AGBL2: variants seen among roughly 807,000 people sequenced by gnomAD.
AGBL2 encodes AGBL carboxypeptidase 2, also known as cytosolic carboxypeptidase 2.
Under a neutral mutation model 103.0 loss-of-function variants are expected in AGBL2, and 87 were observed. The observed-to-expected ratio is 0.84, with a 90% CI of 0.71 to 1.01. The LOEUF is 1.01. AGBL2 is among the 50% of genes least tolerant of loss of function. The probability of loss-of-function intolerance (pLI) is 0.00; values close to 1 mark genes in which losing one functional copy is unlikely to be tolerated. For missense variants in AGBL2, 904 were observed against 1,023.5 expected (o/e 0.88, Z 1.59); for synonymous variants, 335 against 356.7 (o/e 0.94, Z 0.69).
At chr11:47,692,353 G>C in intron 8 of AGBL2, 97 bp from the exon 9 acceptor site, 1 of 623,700 alleles carries the variant, frequency 1.6e-6, no homozygotes, top group East Asian at 5.0e-5. Context: ...CACTATTCTA[G>C]ACCAACAATG....
chr11:47,711,588 C>T (rs900983190), intron 3 of AGBL2, among the ~76,000 whole-genome samples: 11 of 152,220 alleles, frequency 7.2e-5, no homozygotes, highest in African/African-American at 2.7e-4. Flanking sequence ...ATCTGGAGTG[C>T]AGTAGCGCAA....
At chr11:47,665,699 C>T (rs2097339562) in intron 17 of AGBL2, among the ~76,000 whole-genome samples, 1 of 152,124 alleles carries the variant, frequency 6.6e-6, no homozygotes, top group Admixed American at 6.6e-5. Flanking sequence ...AGTGATCCTC[C>T]TGCCTCGGCT....
chr11:47,676,103 T>G (rs1195963897), intron 14 of AGBL2, among the ~76,000 whole-genome samples: 2 of 151,898 alleles, frequency 1.3e-5, no homozygotes, highest in African/African-American at 2.4e-5. Context: ...TTGTTCGAGG[T>G]CTCCACTAAA....
intron 1 of AGBL2, 56 bp from the exon 2 acceptor site, chr11:47,714,806 C>T (rs748262958): frequency 5.5e-6 from 4 of 732,426 alleles, no homozygotes; most frequent in Non-Finnish European, 9.6e-6. Context: ...CCGGGCGCCC[C>T]CCAGCTCCCT....
At chr11:47,686,154 T>G in intron 10 of AGBL2, 105 bp from the exon 11 acceptor site, 3 of 1,211,854 alleles carry the variant, frequency 2.5e-6, no homozygotes, top group Non-Finnish European at 3.5e-6. Flanking sequence ...ATACTTTCCC[T>G]CCTAAGAAAA....
rs1488107386 is a variant in AGBL2, at chr11:47,705,506, C to T, written c.400+15G>A. The stretch of plus-strand genomic sequence containing the variant: ...ACTAAAAACATAAAAATTAGCTGGG[C>T]GTGGTGGCACATGCCTGTAATCCCA... On this transcript the variant is annotated intron_variant, in intron 6 of 18. Coordinates refer to ENST00000525123, the MANE Select transcript of AGBL2 (RefSeq NM_024783.4). 4 of 317,498 alleles carry T rather than the reference C, an allele frequency of 1.3e-5. No homozygotes were observed. The highest frequency in any genetic ancestry group is 8.0e-5 in the East Asian group (1 of 12,458). 19.7% of individuals were successfully genotyped at this position (317,498 alleles called of 1,614,324 possible). A position where few individuals can be genotyped will look rare whatever the true frequency, so the allele number is the denominator to read the frequency against.
At chr11:47,692,628 G>A (rs2097452437) in intron 8 of AGBL2, among the ~76,000 whole-genome samples, 1 of 151,606 alleles carries the variant, frequency 6.6e-6, no homozygotes, top group Non-Finnish European at 1.5e-5. Context: ...TAGCCAGGAT[G>A]GTCTCGATCT....
intron 9 of AGBL2, 21 bp from the exon 10 acceptor site, chr11:47,690,879 C>T: frequency 6.3e-7 from 1 of 1,585,538 alleles, no homozygotes; most frequent in South Asian, 1.1e-5. Context: ...GAAAATAGAA[C>T]AACTCTGTAA....
chr11:47,714,477 T>C, intron 2 of AGBL2, 130 bp from the exon 3 acceptor site: 1 of 1,305,874 alleles, frequency 7.7e-7, no homozygotes, highest in East Asian at 2.3e-5. Context: ...CGAATTATTC[T>C]ATCGTGGGGA....
At chr11:47,685,214 A>T (rs1485307969) in intron 11 of AGBL2, among the ~76,000 whole-genome samples, 1 of 152,202 alleles carries the variant, frequency 6.6e-6, no homozygotes. Context: ...CTCAAAAAAA[A>T]AAATAAAAAA....
chr11:47,679,961 C>A lies in AGBL2; in HGVS notation c.2016+12G>T. On this transcript the variant is annotated intron_variant, in intron 13 of 18. Transcript: ENST00000525123. ...CTGGCCTTCATCACATTTCTTGAAA[C>A]CCCATTTTTACCTTCATTTGGTCAG... 6.4e-7 allele frequency: 1 copy of A among 1,553,190 alleles called. No homozygotes were observed. The highest frequency in any genetic ancestry group is 1.1e-5 in the South Asian group (1 of 89,428).
chr11:47,676,707 T>C (rs1402489348), intron 14 of AGBL2, among the ~76,000 whole-genome samples: 1 of 150,616 alleles, frequency 6.6e-6, no homozygotes, highest in Non-Finnish European at 1.5e-5. Context: ...TAGTCCCAGC[T>C]ACTCGGGAGG....
chr11:47,708,065 T>G (rs964655364), intron 4 of AGBL2, among the ~76,000 whole-genome samples: 1 of 151,622 alleles, frequency 6.6e-6, no homozygotes, highest in African/African-American at 2.4e-5. Context: ...ATGTTCAGAT[T>G]TAGTCATCTT....
intron 16 of AGBL2, 97 bp downstream of exon 16, chr11:47,667,474 C>T (rs916177320): frequency 6.7e-5 from 95 of 1,418,138 alleles, no homozygotes; most frequent in Non-Finnish European, 8.9e-5. Context: ...ATCTCCATCC[C>T]CTTTTTGGTT....
chr11:47,681,895 G>C, intron 12 of AGBL2, 74 bp downstream of exon 12: 3 of 1,542,848 alleles, frequency 1.9e-6, no homozygotes, highest in Non-Finnish European at 2.6e-6. Flanking sequence ...GCATTCAAAG[G>C]CATTTTATCT....
intron 12 of AGBL2, among the ~76,000 whole-genome samples, chr11:47,681,705 G>A (rs1168858568): frequency 6.6e-6 from 1 of 152,142 alleles, no homozygotes; most frequent in Non-Finnish European, 1.5e-5. Flanking sequence ...TGATCTGCCC[G>A]CCTTGGCCTC....
At chr11:47,695,850 A>G (rs1599034314) in intron 8 of AGBL2, among the ~76,000 whole-genome samples, 1 of 151,764 alleles carries the variant, frequency 6.6e-6, no homozygotes, top group East Asian at 1.9e-4. Flanking sequence ...GTATTATTTC[A>G]TCTTTAAATG....
At chr11:47,703,556 C>T (rs563551943) in intron 7 of AGBL2, among the ~76,000 whole-genome samples, 1 of 152,162 alleles carries the variant, frequency 6.6e-6, no homozygotes, top group South Asian at 2.1e-4. Flanking sequence ...TTTGGGAGGC[C>T]AAGGCGGGTG....
chr11:47,685,622 G>A (rs370888930), intron 11 of AGBL2, among the ~76,000 whole-genome samples: 33 of 151,696 alleles, frequency 2.2e-4, no homozygotes, highest in African/African-American at 7.3e-4. Flanking sequence ...GGGTTTCTCC[G>A]TGTTGGTCAG....
Sources: allele counts gnomAD v4.1 joint callset (sites outside exome capture counted in the v4.1 genomes callset), GRCh38; gene constraint gnomAD v4.1.1; transcripts MANE v1.5; gene names NCBI Gene and HGNC (gene_info 2026-07-23, HGNC 2026-07-21).